Variants in DIAPH2 observed in about 807,000 individuals in gnomAD.
DIAPH2 encodes the protein protein diaphanous homolog 2.
DIAPH2 carries 35 observed loss-of-function variants against 92.7 expected under a neutral mutation model. That is an observed-to-expected ratio of 0.38 (90% CI 0.29 to 0.50). The LOEUF is 0.50. DIAPH2 is among the 20% of genes least tolerant of loss of function. The probability of loss-of-function intolerance (pLI) is 0.94; values close to 1 mark genes in which losing one functional copy is unlikely to be tolerated. For synonymous variants in DIAPH2, 301 were observed against 280.4 expected (o/e 1.07, Z -0.73); for missense variants, 701 against 819.5 (o/e 0.86, Z 1.77).
chrX:96,815,771 TCTC>T (rs1276644672), intron 4 of DIAPH2, among the ~76,000 whole-genome samples: 1 of 111,053 alleles, frequency 9.0e-6, no homozygotes, highest in Admixed American at 9.6e-5. Context: ...TTCAAGCAAT[TCTC>T]CTGCCTCAGC....
chrX:97,351,066 A>C (rs924991540), intron 24 of DIAPH2, among the ~76,000 whole-genome samples: 6 of 112,386 alleles, frequency 5.3e-5, no homozygotes, highest in Admixed American at 9.5e-5. Flanking sequence ...CTTATATAAC[A>C]GTACTGCTAC....
intron 1 of DIAPH2, among the ~76,000 whole-genome samples, chrX:96,731,163 C>CT (rs1260972978): frequency 9.0e-6 from 1 of 111,303 alleles, no homozygotes; most frequent in Non-Finnish European, 1.9e-5. Flanking sequence ...TCTTCAGTTA[C>CT]TTCGGGCCAT....
intron 17 of DIAPH2, among the ~76,000 whole-genome samples, chrX:97,061,493 G>A (rs1190975704): frequency 3.6e-5 from 4 of 111,714 alleles, no homozygotes; most frequent in Non-Finnish European, 7.5e-5. Context: ...GAATAGGTGT[G>A]TGTGTATAGC....
chrX:97,024,801 G>T (rs538992904), intron 17 of DIAPH2, among the ~76,000 whole-genome samples: 1 of 111,816 alleles, frequency 8.9e-6, no homozygotes, highest in Admixed American at 9.5e-5. Flanking sequence ...AGTTGAGAAT[G>T]ACCTGATCTG....
At chrX:97,246,562 A>G (rs2068144194) in intron 22 of DIAPH2, among the ~76,000 whole-genome samples, 1 of 111,925 alleles carries the variant, frequency 8.9e-6, no homozygotes, top group South Asian at 3.8e-4. Flanking sequence ...ATTTAAGGTG[A>G]TTTCTCCTCA....
chrX:96,973,459 C>G (rs1025211147), intron 17 of DIAPH2, among the ~76,000 whole-genome samples: 3 of 111,528 alleles, frequency 2.7e-5, no homozygotes, highest in African/African-American at 9.8e-5. Context: ...GATCGTGCTC[C>G]TGCACTCCAG....
intron 24 of DIAPH2, among the ~76,000 whole-genome samples, chrX:97,371,368 C>T (rs924416890): frequency 2.7e-5 from 3 of 111,217 alleles, no homozygotes; most frequent in Non-Finnish European, 5.7e-5. Context: ...GGAATTCAGG[C>T]AATATGGCGG....
intron 19 of DIAPH2, among the ~76,000 whole-genome samples, chrX:97,098,041 T>G (rs2066880966): frequency 9.0e-6 from 1 of 111,256 alleles, no homozygotes; most frequent in Non-Finnish European, 1.9e-5. Flanking sequence ...TAGGTGCCAT[T>G]GCAGGCCCAG....
intron 23 of DIAPH2, among the ~76,000 whole-genome samples, chrX:97,310,104 T>A (rs747330726): frequency 1.6e-4 from 18 of 112,438 alleles, no homozygotes; most frequent in Non-Finnish European, 1.7e-4. Context: ...AAATGAGATT[T>A]CCTCACTCTG....
intron 23 of DIAPH2, among the ~76,000 whole-genome samples, chrX:97,254,721 T>A (rs1484589119): frequency 9.3e-6 from 1 of 107,645 alleles, no homozygotes; most frequent in Non-Finnish European, 1.9e-5. Context: ...TATTTTATTT[T>A]ATTTATTTTA....
chrX:96,980,449 T>A (rs2065988563), intron 17 of DIAPH2, among the ~76,000 whole-genome samples: 1 of 110,731 alleles, frequency 9.0e-6, no homozygotes, highest in Non-Finnish European at 1.9e-5. Context: ...TCTCAGCCAG[T>A]GGAACCTAGG....
At chrX:96,780,717 C>T (rs1053714168) in intron 4 of DIAPH2, among the ~76,000 whole-genome samples, 20 of 110,124 alleles carry the variant, frequency 1.8e-4, no homozygotes, top group African/African-American at 6.6e-4. Flanking sequence ...CTCCTGACCT[C>T]GTGATCCGCC....
At chrX:97,110,257 A>G (rs2066970047) in intron 20 of DIAPH2, among the ~76,000 whole-genome samples, 1 of 111,135 alleles carries the variant, frequency 9.0e-6, no homozygotes. Context: ...CAGTCTCTGT[A>G]TCAATGACCT....
At chrX:96,755,257 G>A (rs773014295) in intron 3 of DIAPH2, among the ~76,000 whole-genome samples, 2 of 112,084 alleles carry the variant, frequency 1.8e-5, no homozygotes, top group South Asian at 7.4e-4. Context: ...TGCAGTGGTT[G>A]CAAATATAGA....
rs868419743 is a variant in DIAPH2, at chrX:96,897,969, T to C, written c.588-14359T>C. Among the ~76,000 whole-genome samples the C allele has an allele frequency of 2.3e-4, 20 of 85,227 alleles. No homozygotes were observed. The South Asian group carries it at 0.015, about 62-fold the overall frequency. 74.0% of individuals were successfully genotyped at this position (85,227 alleles called of 115,157 possible). A position where few individuals can be genotyped will look rare whatever the true frequency, so the allele number is the denominator to read the frequency against. On this transcript the variant is annotated intron_variant, in intron 5 of 26. Coordinates refer to ENST00000324765, the MANE Select transcript of DIAPH2 (RefSeq NM_006729.5). ...CAATTCCCACCTATGAGTGAGAATATGCAGTGTTTGGTTTTTTGTTCTTGC... is the reference window on the plus strand; with the variant it reads ...CAATTCCCACCTATGAGTGAGAATACGCAGTGTTTGGTTTTTTGTTCTTGC...
At chrX:96,931,852 T>A (rs754837307) in intron 10 of DIAPH2, among the ~76,000 whole-genome samples, 1 of 111,263 alleles carries the variant, frequency 9.0e-6, no homozygotes, top group East Asian at 2.8e-4. Context: ...TATGATTGGG[T>A]CCACCTGGTT....
At chrX:97,120,202 A>G (rs1270243098) in intron 21 of DIAPH2, among the ~76,000 whole-genome samples, 1 of 110,590 alleles carries the variant, frequency 9.0e-6, no homozygotes, top group Non-Finnish European at 1.9e-5. Context: ...GGACCCAGCG[A>G]ACTCCCAGGG....
intron 20 of DIAPH2, among the ~76,000 whole-genome samples, chrX:97,110,542 A>C (rs1411864622): frequency 8.9e-6 from 1 of 111,766 alleles, no homozygotes; most frequent in East Asian, 2.8e-4. Flanking sequence ...AGCATGGAAA[A>C]TAAGGGACGA....
At chrX:97,515,937 T>C (rs1485367265) in intron 26 of DIAPH2, among the ~76,000 whole-genome samples, 1 of 111,511 alleles carries the variant, frequency 9.0e-6, no homozygotes, top group East Asian at 2.8e-4. Context: ...TGAAGGATTA[T>C]ACTCATAATA....
Sources: gnomAD v4.1 joint callset for allele counts (sites outside exome capture counted in the v4.1 genomes callset) on GRCh38, gnomAD v4.1.1 for gene constraint, MANE v1.5 for transcripts, NCBI Gene and HGNC (gene_info 2026-07-23, HGNC 2026-07-21) for gene names.